The following ZNF430 variants were observed in gnomAD, a reference collection of about 807,000 sequenced individuals.
ZNF430 encodes zinc finger protein 430.
Under a neutral mutation model 56.7 loss-of-function variants are expected in ZNF430, and 35 were observed. That is an observed-to-expected ratio of 0.62 (90% CI 0.47 to 0.82). The LOEUF is 0.82. ZNF430 is among the 40% of genes least tolerant of loss of function. ZNF430 has a pLI of 0.00. For synonymous variants in ZNF430, 212 were observed against 224.3 expected (o/e 0.94, Z 0.49); for missense variants, 574 against 661.0 (o/e 0.87, Z 1.44).
At position 21,059,097 on chromosome 19, in the gene ZNF430, C is replaced by G. The variant is rs1006776490; in HGVS notation, c.*1076C>G. 6.6e-6 allele frequency: 1 copy of G among 152,072 alleles called. No individual in the cohort carries two copies. Among genetic ancestry groups the G allele is most frequent in the African/African-American group, 2.4e-5 (1 of 41,404 alleles). The allele number at this position is 152,072 out of a possible 1,614,324, so 9.4% of individuals were successfully genotyped here. ...GTACAGCTTAGAAGACACCAGAGTT[C>G]ATACTAAAATATATTTTTGCAGATG... On this transcript the variant is annotated 3_prime_UTR_variant, in exon 5 of 5. Transcript: ENST00000261560.
intron 4 of ZNF430, among the ~76,000 whole-genome samples, chr19:21,048,164 CTTTTTTTTT>C (rs536496163): frequency 1.2e-4 from 7 of 59,778 alleles, no homozygotes; most frequent in Non-Finnish European, 1.4e-4. Flanking sequence ...CATAAAACAT[CTTTTTTTTT>C]TTTTTTTTTT....
chr19:21,054,529 C>G (rs1968336493), intron 4 of ZNF430, among the ~76,000 whole-genome samples: 2 of 151,996 alleles, frequency 1.3e-5, no homozygotes, highest in South Asian at 2.1e-4. Flanking sequence ...ACTATGCTTG[C>G]AAATGACATC....
Position 21,020,730 on chromosome 19 carries a change from CTG to C in ZNF430, c.-68_-67del. 1 of 1,598,880 alleles carries C rather than the reference CTG, an allele frequency of 6.3e-7. No individual in the cohort carries two copies. The highest frequency in any genetic ancestry group is 8.6e-7 in the Non-Finnish European group (1 of 1,166,954). On this transcript the variant is annotated 5_prime_UTR_variant, in exon 1 of 5. Coordinates refer to ENST00000261560, the MANE Select transcript of ZNF430 (RefSeq NM_025189.4). ...TCCTCTGCTCCTAGAGGTCCAGGCT[CTG>C]TGGCCCTGTGACCCGCAGGTATTGG...
rs749766845 is a variant in ZNF430, at chr19:21,034,174, T to C, written c.312T>C (p.Asp104=). The C allele has an allele frequency of 6.2e-7, 1 of 1,601,724 alleles. No homozygotes were observed. Among genetic ancestry groups the C allele is most frequent in the Admixed American group, 1.7e-5 (1 of 59,478 alleles). ...PWNMKRHAMV[D]QPPVTYSHFA... is the part of the protein sequence containing the mutation. ...ATATGAAGAGACATGCGATGGTAGA[T>C]CAACCCCCAGGTAGGTGAGAGTGAA... The change falls in exon 4 of 5, where the codon GAT becomes GAC. Residue 104 remains aspartate (D), a synonymous_variant. Coordinates refer to ENST00000261560, the MANE Select transcript of ZNF430 (RefSeq NM_025189.4).
At position 21,033,530 on chromosome 19, in the gene ZNF430, G is replaced by C; in HGVS notation, c.171G>C (p.Gln57His). The C allele has an allele frequency of 1.9e-6, 3 of 1,611,850 alleles. No homozygotes were observed. Among genetic ancestry groups the C allele is most frequent in the Non-Finnish European group, 2.5e-6 (3 of 1,178,978 alleles). The change falls in exon 3 of 5, where the codon CAG (glutamine) becomes CAC (histidine). Residue 57 changes from glutamine (Q) to histidine (H), a missense_variant. Gln to His is a conservative substitution (Grantham distance 24). Transcript: ENST00000261560. ...GGCAATGCCTGGACACTGCTCAGCA[G>C]GATTTGTATAGAAAAGTGATGTTAG... ...EEWQCLDTAQ[Q>H]DLYRKVMLEN...
intron 1 of ZNF430, among the ~76,000 whole-genome samples, chr19:21,022,249 T>G (rs1445614206): frequency 6.6e-6 from 1 of 152,138 alleles, no homozygotes; most frequent in African/African-American, 2.4e-5. Flanking sequence ...TGCTGCATTT[T>G]TCACCTGTGT....
chr19:21,045,297 G>T (rs1445917876), intron 4 of ZNF430, among the ~76,000 whole-genome samples: 1 of 152,134 alleles, frequency 6.6e-6, no homozygotes, highest in Admixed American at 6.6e-5. Context: ...TGGTTTCAAA[G>T]AATTTCTTGG....
At chr19:21,043,263 T>G (rs1000538611) in intron 4 of ZNF430, among the ~76,000 whole-genome samples, 1 of 152,238 alleles carries the variant, frequency 6.6e-6, no homozygotes, top group African/African-American at 2.4e-5. Flanking sequence ...GTTTCATATT[T>G]AAGTCTTTAA....
At position 21,058,227 on chromosome 19, in the gene ZNF430, A is replaced by G; in HGVS notation, c.*206A>G. ...TGGGAGGCTGAGACGGGTGAATTAC[A>G]TGAGGTTGGGAGTTCGAGACCAGCC... is the stretch of plus-strand genomic sequence containing the variant. On this transcript the variant is annotated 3_prime_UTR_variant, in exon 5 of 5. Transcript: ENST00000261560. 1 of 561,190 alleles carries G rather than the reference A, an allele frequency of 1.8e-6. No homozygotes were observed. Among genetic ancestry groups the G allele is most frequent in the Non-Finnish European group, 3.1e-6 (1 of 320,492 alleles). The allele number at this position is 561,190 out of a possible 1,614,324, so 34.8% of individuals were successfully genotyped here.
At position 21,057,713 on chromosome 19, in the gene ZNF430, T is replaced by C. The variant is rs1379979394; in HGVS notation, c.1405T>C (p.Ser469Pro). 1.9e-6 allele frequency: 3 copies of C among 1,604,988 alleles called. No individual in the cohort carries two copies. Among genetic ancestry groups the C allele is most frequent in the Non-Finnish European group, 2.6e-6 (3 of 1,175,798 alleles). The change falls in exon 5 of 5, where the codon TCC becomes CCC. Residue 469 changes from serine to proline, a missense_variant. Physicochemically the swap from Ser to Pro is moderately conservative, Grantham distance 74 (BLOSUM62 -1). Coordinates refer to ENST00000261560, the MANE Select transcript of ZNF430 (RefSeq NM_025189.4). ...AGAATGTGGCAAAGCCTTTAACCGGTCCCCAAAACTTACTGCACATAAGGT... is the reference window on the plus strand; with the variant it reads ...AGAATGTGGCAAAGCCTTTAACCGGCCCCCAAAACTTACTGCACATAAGGT... ...CEECGKAFNR[S>P]PKLTAHKVIH...
chr19:21,058,568 G>T lies in ZNF430; in HGVS notation c.*547G>T. 1 of 160,426 alleles carries T rather than the reference G, an allele frequency of 6.2e-6. No homozygotes were observed. The allele number at this position is 160,426 out of a possible 1,614,324, so 9.9% of individuals were successfully genotyped here. ...AAAATCATACTGGTGAGAAATCCTAGAAATGTAAAGAATGTGACAAGGCCT... is the reference window on the plus strand; with the variant it reads ...AAAATCATACTGGTGAGAAATCCTATAAATGTAAAGAATGTGACAAGGCCT... On this transcript the variant is annotated 3_prime_UTR_variant, in exon 5 of 5. Transcript: ENST00000261560.
intron 4 of ZNF430, among the ~76,000 whole-genome samples, chr19:21,046,905 C>G (rs1327959270): frequency 6.6e-6 from 1 of 152,132 alleles, no homozygotes; most frequent in East Asian, 1.9e-4. Flanking sequence ...AAAAGTTCTT[C>G]TGGATGATAT....
rs576728164 is a variant in ZNF430 at position 21,052,329 on chromosome 19, A to G, written c.323-4302A>G. Among the ~76,000 whole-genome samples, 4 of 152,280 alleles carry G rather than the reference A, an allele frequency of 2.6e-5. No homozygotes were observed. The South Asian group carries it at 8.3e-4, about 32-fold the overall frequency. On this transcript the variant is annotated intron_variant, in intron 4 of 4. Coordinates refer to ENST00000261560, the MANE Select transcript of ZNF430 (RefSeq NM_025189.4). ...TGTCTTCTCTATACCTCTGTTAGAA[A>G]TAGTTGTTTTATACTGCCTTCAAGT...
At chr19:21,028,537 A>G (rs2144754390) in intron 2 of ZNF430, among the ~76,000 whole-genome samples, 1 of 152,312 alleles carries the variant, frequency 6.6e-6, no homozygotes, top group East Asian at 1.9e-4. Context: ...GCCCAGGGTC[A>G]CTAAGAACCC....
rs375929956 is a variant in ZNF430, at chr19:21,057,740, A to T, written c.1432A>T (p.Ile478Phe). The T allele has an allele frequency of 1.9e-6, 3 of 1,605,612 alleles. No individual in the cohort carries two copies. The African/African-American group carries it at 4.0e-5, about 21-fold the overall frequency. ...RSPKLTAHKVIHSGEKPYKCE... is the reference protein window; with the variant it reads ...RSPKLTAHKVFHSGEKPYKCE... Reference sequence around the variant, plus strand: ...CCCAAAACTTACTGCACATAAGGTAATTCATTCTGGAGAGAAACCCTACAA... The same window carrying T: ...CCCAAAACTTACTGCACATAAGGTATTTCATTCTGGAGAGAAACCCTACAA... The change falls in exon 5 of 5, where the codon ATT (isoleucine) becomes TTT (phenylalanine). Residue 478 changes from isoleucine to phenylalanine, a missense_variant. By Grantham distance (21) the Ile-to-Phe change is conservative (BLOSUM62 0). Transcript: ENST00000261560.
intron 4 of ZNF430, among the ~76,000 whole-genome samples, chr19:21,051,871 T>G (rs1968289982): frequency 6.6e-6 from 1 of 152,226 alleles, no homozygotes; most frequent in South Asian, 2.1e-4. Context: ...AATCAGGAAC[T>G]ATAATGACTT....
chr19:21,045,332 C>T (rs952233794), intron 4 of ZNF430, among the ~76,000 whole-genome samples: 1 of 152,092 alleles, frequency 6.6e-6, no homozygotes. Context: ...TTATTATTTA[C>T]CCAGAAGTCA....
chr19:21,055,932 GAT>G (rs752628927), intron 4 of ZNF430, among the ~76,000 whole-genome samples: 30 of 152,272 alleles, frequency 2.0e-4, no homozygotes, highest in Middle Eastern at 3.4e-3. Context: ...CCAGTGTATA[GAT>G]AGGTCCCTAG....
At chr19:21,031,540 C>T (rs1053707728) in intron 2 of ZNF430, among the ~76,000 whole-genome samples, 8 of 152,018 alleles carry the variant, frequency 5.3e-5, no homozygotes, top group South Asian at 2.1e-4. Context: ...TAGAGCAGCT[C>T]GTTGTTCCTG....
Sources: gnomAD v4.1 joint callset for allele counts (sites outside exome capture counted in the v4.1 genomes callset) on GRCh38, gnomAD v4.1.1 for gene constraint, MANE v1.5 for transcripts, NCBI Gene and HGNC (gene_info 2026-07-23, HGNC 2026-07-21) for gene names.